Variants in ZKSCAN5 observed in about 807,000 individuals in gnomAD.
The protein encoded by ZKSCAN5 is zinc finger protein with KRAB and SCAN domains 5.
In ZKSCAN5, 28 loss-of-function variants were observed where a neutral mutation model predicts 60.0. The ratio of observed to expected loss-of-function variants is 0.47; its 90% CI spans 0.35 to 0.64. ZKSCAN5 has a LOEUF of 0.64. ZKSCAN5 is among the 30% of genes least tolerant of loss of function. The pLI, the probability that ZKSCAN5 is intolerant of heterozygous loss-of-function variation, is 0.01. For missense variants in ZKSCAN5, 881 were observed against 1,034.6 expected, an observed-to-expected ratio of 0.85 and a Z score of 2.04; for synonymous variants, 361 against 371.2, an observed-to-expected ratio of 0.97 and a Z score of 0.31.
intron 6 of ZKSCAN5, among the ~76,000 whole-genome samples, chr7:99,527,086 G>A (rs1801825609): frequency 6.6e-6 from 1 of 152,108 alleles, no homozygotes; most frequent in Non-Finnish European, 1.5e-5. Context: ...CAGTGCTTTG[G>A]GAGGCGGCTG....
At chr7:99,520,712 T>C (rs1014495577) in intron 5 of ZKSCAN5, among the ~76,000 whole-genome samples, 1 of 152,046 alleles carries the variant, frequency 6.6e-6, no homozygotes, top group Admixed American at 6.6e-5. Context: ...ATAGATTGGA[T>C]AATTTTGCCA....
chr7:99,505,776 A>T (rs1014278762), intron 1 of ZKSCAN5: 9 of 336,182 alleles, frequency 2.7e-5, no homozygotes, highest in African/African-American at 1.9e-4. Flanking sequence ...TCTCTTTTAC[A>T]CTTTTAAAAT....
chr7:99,526,551 T>C, intron 6 of ZKSCAN5, 133 bp downstream of exon 6: 3 of 1,414,966 alleles, frequency 2.1e-6, no homozygotes, highest in Non-Finnish European at 2.8e-6. Flanking sequence ...TATCGTTTAT[T>C]TGGTTCTTAT....
At position 99,505,993 on chromosome 7, in the gene ZKSCAN5, C is replaced by T; in HGVS notation, c.-40-12C>T. The T allele has an allele frequency of 6.3e-7, 1 of 1,575,650 alleles. No individual in the cohort carries two copies. Among genetic ancestry groups the T allele is most frequent in the Non-Finnish European group, 8.6e-7 (1 of 1,159,440 alleles). ...CAGAAGATATTAAAGAGCAGAAAAA[C>T]AATTGTTTCAGTGTAACACAGCCAG... On this transcript the variant is annotated splice_polypyrimidine_tract_variant and intron_variant, in intron 1 of 6. Coordinates refer to ENST00000326775, the MANE Select transcript of ZKSCAN5 (RefSeq NM_145102.4).
At chr7:99,519,956 TCAC>T (rs1343610799) in intron 4 of ZKSCAN5, 47 bp downstream of exon 4, 1 of 1,599,394 alleles carries the variant, frequency 6.3e-7, no homozygotes, top group African/African-American at 1.3e-5. Flanking sequence ...TCCTGAACCT[TCAC>T]CAAGAGTTCT....
intron 3 of ZKSCAN5, among the ~76,000 whole-genome samples, chr7:99,517,508 C>T (rs1022523553): frequency 5.3e-5 from 8 of 152,066 alleles, no homozygotes; most frequent in African/African-American, 1.9e-4. Flanking sequence ...TGGCGAAATC[C>T]CGTCTCTACT....
intron 3 of ZKSCAN5, among the ~76,000 whole-genome samples, chr7:99,513,984 G>A (rs1801157658): frequency 6.6e-6 from 1 of 152,162 alleles, no homozygotes; most frequent in South Asian, 2.1e-4. Flanking sequence ...GGCAAAGGTT[G>A]CAGTGAGCTG....
At chr7:99,517,846 CAAA>C (rs34620664) in intron 3 of ZKSCAN5, among the ~76,000 whole-genome samples, 10 of 129,990 alleles carry the variant, frequency 7.7e-5, no homozygotes, top group East Asian at 2.2e-4. Flanking sequence ...GACCTTGTCT[CAAA>C]AAAAAAAAAA....
chr7:99,504,693 TG>T lies in ZKSCAN5; in HGVS notation c.-80del, dbSNP rs1800631230. ...CCCCTGCGACTCGCGGGTGTGACGTTGAAGATGTCGGCCTTCTGAGCCGACT... is the reference window on the plus strand; with the variant it reads ...CCCCTGCGACTCGCGGGTGTGACGTTAAGATGTCGGCCTTCTGAGCCGACT... On this transcript the variant is annotated 5_prime_UTR_variant, in exon 1 of 7. Coordinates refer to ENST00000326775, the MANE Select transcript of ZKSCAN5 (RefSeq NM_145102.4). The T allele has an allele frequency of 6.6e-6, 1 of 152,272 alleles. No individual in the cohort carries two copies. The highest frequency in any genetic ancestry group is 6.5e-5 in the Admixed American group (1 of 15,272). The allele number at this position is 152,272 out of a possible 1,614,324, so 9.4% of individuals were successfully genotyped here. A position where few individuals can be genotyped will look rare whatever the true frequency, so the allele number is the denominator to read the frequency against.
At chr7:99,509,011 T>C (rs1467757751) in intron 2 of ZKSCAN5, among the ~76,000 whole-genome samples, 1 of 151,728 alleles carries the variant, frequency 6.6e-6, no homozygotes, top group Admixed American at 6.6e-5. Flanking sequence ...TTTTTTGAGG[T>C]GGAGTCTCAC....
intron 3 of ZKSCAN5, among the ~76,000 whole-genome samples, chr7:99,514,059 A>C (rs1801160515): frequency 6.6e-6 from 1 of 152,268 alleles, no homozygotes; most frequent in South Asian, 2.1e-4. Context: ...AAAGAAAAGA[A>C]TACTGTCACA....
chr7:99,533,800 C>G lies in ZKSCAN5; in HGVS notation c.*1551C>G. On this transcript the variant is annotated 3_prime_UTR_variant, in exon 7 of 7. Transcript: ENST00000326775. ...CATTCCCTCCCTCAAAGGCGTTTCC[C>G]AAATAAATCACACTGTCAATCACAT... 2.5e-6 allele frequency: 1 copy of G among 395,930 alleles called. No individual in the cohort carries two copies. Among genetic ancestry groups the G allele is most frequent in the Non-Finnish European group, 4.4e-6 (1 of 225,010 alleles). The allele number at this position is 395,930 out of a possible 1,614,324, so 24.5% of individuals were successfully genotyped here. A position where few individuals can be genotyped will look rare whatever the true frequency, so the allele number is the denominator to read the frequency against.
chr7:99,521,178 C>G (rs11761528), intron 5 of ZKSCAN5, among the ~76,000 whole-genome samples: 1 of 151,928 alleles, frequency 6.6e-6, no homozygotes, highest in South Asian at 2.1e-4. Context: ...CAAACATACA[C>G]GCTACAAAAT....
intron 5 of ZKSCAN5, among the ~76,000 whole-genome samples, chr7:99,520,851 T>G (rs1173942041): frequency 6.6e-6 from 1 of 152,122 alleles, no homozygotes; most frequent in East Asian, 1.9e-4. Context: ...AATACAAAAA[T>G]CAGCCGGGCG....
chr7:99,524,283 A>G (rs531736222), intron 5 of ZKSCAN5, among the ~76,000 whole-genome samples: 19 of 152,222 alleles, frequency 1.2e-4, no homozygotes, highest in African/African-American at 2.6e-4. Context: ...CATGTTGGCC[A>G]GGCTGGTTTC....
rs567692353 is a variant in ZKSCAN5 at position 99,525,821 on chromosome 7, T to C, written c.781T>C (p.Ser261Pro). 6.2e-7 allele frequency: 1 copy of C among 1,608,474 alleles called. No individual in the cohort carries two copies. Among genetic ancestry groups the C allele is most frequent in the East Asian group, 2.2e-5 (1 of 44,712 alleles). ...YGSITSMGYE[S>P]RDNMELIVKQ... ...TCCCTCTGTTATTTCAGGTTATGAG[T>C]CCAGGGACAATATGGAGCTCATAGT... Residue 261 changes from serine (S) to proline (P), a missense_variant, in exon 6 of 7, where the codon TCC (serine) becomes CCC (proline). Ser to Pro is a moderately conservative substitution (Grantham distance 74, BLOSUM62 -1). Around this residue, in one of 5 missense-constraint regions of ZKSCAN5, gnomAD observed 490 missense variants for 554.5 expected, o/e 0.88. Coordinates refer to ENST00000326775, the MANE Select transcript of ZKSCAN5 (RefSeq NM_145102.4).
intron 6 of ZKSCAN5, among the ~76,000 whole-genome samples, chr7:99,529,353 C>T (rs914483343): frequency 2.6e-5 from 4 of 152,132 alleles, no homozygotes; most frequent in Admixed American, 2.6e-4. Context: ...GTTGGTCAGG[C>T]TGGTCTTGAA....
intron 6 of ZKSCAN5, among the ~76,000 whole-genome samples, chr7:99,528,550 C>CTT (rs1204866727): frequency 6.6e-6 from 1 of 152,102 alleles, no homozygotes; most frequent in Non-Finnish European, 1.5e-5. Context: ...CCTCAGCTTC[C>CTT]TGCATAGCTG....
chr7:99,523,420 G>T (rs577075218), intron 5 of ZKSCAN5, among the ~76,000 whole-genome samples: 1 of 152,070 alleles, frequency 6.6e-6, no homozygotes, highest in Non-Finnish European at 1.5e-5. Context: ...CCAGGAGTTC[G>T]AGACCAGCCT....
Sources: allele counts gnomAD v4.1 joint callset (sites outside exome capture counted in the v4.1 genomes callset), GRCh38; gene constraint gnomAD v4.1.1; regional missense constraint gnomAD v4.1.1; transcripts MANE v1.5; gene names NCBI Gene and HGNC (gene_info 2026-07-23, HGNC 2026-07-21).